Variants in IPCEF1 observed in about 807,000 individuals in gnomAD.
IPCEF1 encodes the protein interactor protein for cytohesin exchange factors 1.
In IPCEF1, 31 loss-of-function variants were observed where a neutral mutation model predicts 50.9. The ratio of observed to expected loss-of-function variants is 0.61; its 90% CI spans 0.46 to 0.82. IPCEF1 has a LOEUF of 0.82. IPCEF1 is among the 40% of genes least tolerant of loss of function. The probability of loss-of-function intolerance (pLI) is 0.00; values close to 1 mark genes in which losing one functional copy is unlikely to be tolerated. For synonymous variants in IPCEF1, 181 were observed against 192.0 expected (o/e 0.94, Z 0.47); for missense variants, 458 against 514.0 (o/e 0.89, Z 1.05).
intron 2 of IPCEF1, among the ~76,000 whole-genome samples, chr6:154,288,746 A>C (rs187648957): frequency 4.1e-4 from 60 of 145,368 alleles, no homozygotes; most frequent in African/African-American, 1.4e-3. Flanking sequence ...CAGCAAGTTT[A>C]AAGTTGTGTT....
At chr6:154,206,634 T>C (rs1313853784) in intron 9 of IPCEF1, among the ~76,000 whole-genome samples, 3 of 152,162 alleles carry the variant, frequency 2.0e-5, no homozygotes, top group African/African-American at 4.8e-5. Flanking sequence ...AGAAACACTA[T>C]GGGAATACAG....
intron 9 of IPCEF1, among the ~76,000 whole-genome samples, chr6:154,206,428 C>T (rs990344729): frequency 6.6e-6 from 1 of 152,186 alleles, no homozygotes; most frequent in Non-Finnish European, 1.5e-5. Context: ...ATCACTCACC[C>T]ATCCATCTGT....
Position 154,236,728 on chromosome 6 carries a change from C to T in IPCEF1, c.246+9863G>A, listed in dbSNP as rs114933810. Among the ~76,000 whole-genome samples, 387 of 152,276 alleles carry T rather than the reference C, an allele frequency of 2.5e-3. 2 individuals are homozygous for T. The highest frequency in any genetic ancestry group is 9.1e-3 in the African/African-American group (377 of 41,576). On this transcript the variant is annotated intron_variant, in intron 5 of 11. Transcript: ENST00000367220. The stretch of plus-strand genomic sequence containing the variant: ...AGGTAACAGACATCTATTCATGCTT[C>T]TGTTGAACAGACATAGAGGCGAGGC...
intron 11 of IPCEF1, among the ~76,000 whole-genome samples, chr6:154,163,877 G>A (rs150453487): frequency 2.0e-3 from 303 of 152,196 alleles, no homozygotes; most frequent in African/African-American, 6.9e-3. Context: ...ACATATAGAT[G>A]GATAAAGATA....
At chr6:154,283,249 G>A (rs1038179534) in intron 2 of IPCEF1, among the ~76,000 whole-genome samples, 3 of 129,202 alleles carry the variant, frequency 2.3e-5, no homozygotes, top group African/African-American at 6.0e-5. Flanking sequence ...CCGAGATCAC[G>A]CACTGCACTC....
chr6:154,277,643 G>A (rs1782095603), intron 2 of IPCEF1, among the ~76,000 whole-genome samples: 1 of 152,144 alleles, frequency 6.6e-6, no homozygotes, highest in African/African-American at 2.4e-5. Flanking sequence ...TTTATTGGTT[G>A]TTGTTGTTGT....
rs1233507181 is a variant in IPCEF1, at chr6:154,159,790, TG to T, written c.*37del. On this transcript the variant is annotated 3_prime_UTR_variant, in exon 12 of 12. Coordinates refer to ENST00000367220, the MANE Select transcript of IPCEF1 (RefSeq NM_001130700.2). Reference sequence around the variant, plus strand: ...TTTTGCAACATCTTGAAGAGTTGCTTGTGATAAAATATAAGAGGAGAAAACC... The same window carrying T: ...TTTTGCAACATCTTGAAGAGTTGCTTTGATAAAATATAAGAGGAGAAAACC... The T allele has an allele frequency of 1.3e-6, 2 of 1,491,712 alleles. No homozygotes were observed. The highest frequency in any genetic ancestry group is 9.3e-7 in the Non-Finnish European group (1 of 1,078,032). The allele number at this position is 1,491,712 out of a possible 1,614,324, so 92.4% of individuals were successfully genotyped here.
At chr6:154,318,342 A>G (rs1204207202) in intron 1 of IPCEF1, among the ~76,000 whole-genome samples, 2 of 152,230 alleles carry the variant, frequency 1.3e-5, no homozygotes, top group African/African-American at 4.8e-5. Flanking sequence ...CCAAGACCCA[A>G]TAAAATAATT....
At chr6:154,163,342 G>A (rs968401285) in intron 11 of IPCEF1, among the ~76,000 whole-genome samples, 5 of 152,052 alleles carry the variant, frequency 3.3e-5, no homozygotes, top group Admixed American at 6.6e-5. Flanking sequence ...TGAAATATTC[G>A]GCCTCAGAGA....
At chr6:154,314,552 T>C (rs1276616308) in intron 1 of IPCEF1, among the ~76,000 whole-genome samples, 1 of 131,302 alleles carries the variant, frequency 7.6e-6, no homozygotes, top group Non-Finnish European at 1.6e-5. Flanking sequence ...CTTGTGTTTC[T>C]CTTTCTACCT....
At chr6:154,249,709 C>T (rs901604957) in intron 3 of IPCEF1, among the ~76,000 whole-genome samples, 6 of 151,994 alleles carry the variant, frequency 3.9e-5, no homozygotes, top group Non-Finnish European at 8.8e-5. Context: ...AGTGAGTATC[C>T]TCCACCCATT....
At chr6:154,203,744 A>AT (rs1221929508) in intron 9 of IPCEF1, among the ~76,000 whole-genome samples, 1 of 152,118 alleles carries the variant, frequency 6.6e-6, no homozygotes, top group Non-Finnish European at 1.5e-5. Context: ...GGTTTTAATC[A>AT]TTTTTCACCT....
chr6:154,192,387 TAGAG>T (rs748187371), intron 10 of IPCEF1, among the ~76,000 whole-genome samples: 18 of 151,712 alleles, frequency 1.2e-4, no homozygotes, highest in Middle Eastern at 3.4e-3. Context: ...GTATTTTAGA[TAGAG>T]AGAGAACACT....
At chr6:154,327,783 C>A (rs1783558330) in intron 1 of IPCEF1, among the ~76,000 whole-genome samples, 1 of 152,262 alleles carries the variant, frequency 6.6e-6, no homozygotes, top group Non-Finnish European at 1.5e-5. Flanking sequence ...ATGTTCATTG[C>A]AGCACTATTC....
At chr6:154,249,442 G>A (rs1283893237) in intron 3 of IPCEF1, among the ~76,000 whole-genome samples, 2 of 152,110 alleles carry the variant, frequency 1.3e-5, no homozygotes, top group Non-Finnish European at 2.9e-5. Context: ...GTAAGATTTG[G>A]GAAATCTGGG....
At chr6:154,184,097 T>G (rs1362603178) in intron 10 of IPCEF1, among the ~76,000 whole-genome samples, 1 of 152,010 alleles carries the variant, frequency 6.6e-6, no homozygotes, top group Admixed American at 6.5e-5. Flanking sequence ...GTTGTTGCTT[T>G]ATTTAAGAGA....
At chr6:154,182,551 G>A (rs183969158) in intron 10 of IPCEF1, among the ~76,000 whole-genome samples, 45 of 152,170 alleles carry the variant, frequency 3.0e-4, no homozygotes, top group South Asian at 1.7e-3. Flanking sequence ...ATTTAAAGTA[G>A]ACATAAAATT....
At chr6:154,236,901 G>A (rs1304576231) in intron 5 of IPCEF1, among the ~76,000 whole-genome samples, 1 of 152,190 alleles carries the variant, frequency 6.6e-6, no homozygotes, top group Non-Finnish European at 1.5e-5. Flanking sequence ...CCTGCAGCGT[G>A]CCTTTTCCTT....
intron 3 of IPCEF1, among the ~76,000 whole-genome samples, chr6:154,257,280 G>A (rs1781484191): frequency 2.0e-5 from 3 of 152,096 alleles, no homozygotes. Flanking sequence ...AAGCTCCATT[G>A]TCATCATGGA....
Sources: allele counts gnomAD v4.1 joint callset (sites outside exome capture counted in the v4.1 genomes callset), GRCh38; gene constraint gnomAD v4.1.1; transcripts MANE v1.5; gene names NCBI Gene and HGNC (gene_info 2026-07-23, HGNC 2026-07-21).